PARP1: variants seen among roughly 807,000 people sequenced by gnomAD.
PARP1 encodes the protein poly(ADP-ribose) polymerase 1, also known as poly [ADP-ribose] polymerase 1.
Under a neutral mutation model 118.7 loss-of-function variants are expected in PARP1, and 44 were observed. That is an observed-to-expected ratio of 0.37 (90% CI 0.29 to 0.48). The LOEUF (loss-of-function observed/expected upper bound fraction) is 0.48. PARP1 is among the 20% of genes least tolerant of loss of function. The pLI, the probability that PARP1 is intolerant of heterozygous loss-of-function variation, is 0.99. For missense variants in PARP1, 1,100 were observed against 1,272.4 expected, an observed-to-expected ratio of 0.86 and a Z score of 2.06; for synonymous variants, 492 against 483.2, an observed-to-expected ratio of 1.02 and a Z score of -0.24.
chr1:226,368,337 C>T lies in PARP1; in HGVS notation c.2155-16G>A. 1 of 1,614,054 alleles carries T rather than the reference C, an allele frequency of 6.2e-7. No individual in the cohort carries two copies. On this transcript the variant is annotated splice_polypyrimidine_tract_variant and intron_variant, in intron 15 of 22. Coordinates refer to ENST00000366794, the MANE Select transcript of PARP1 (RefSeq NM_001618.4). ...GAGACACCGCCTGGAGAGGAGGGGA[C>T]AGAAGGAATGCAAGACTGAGGGAGC...
rs13306124 is a variant in PARP1, at chr1:226,392,027, G to A, written c.402+172C>T. 2.0e-5 allele frequency among the ~76,000 whole-genome samples: 3 copies of A among 152,340 alleles called. No homozygotes were observed. The East Asian group carries it at 5.8e-4, about 29-fold the overall frequency. ...GACCGTGATAAGGAGGACCAGACCT[G>A]TCTGGAAGTCACTGACGTATCTGGT... On this transcript the variant is annotated intron_variant, in intron 3 of 22. Transcript: ENST00000366794.
intron 17 of PARP1, chr1:226,366,307 G>A: frequency 2.2e-6 from 1 of 452,794 alleles, no homozygotes; most frequent in South Asian, 2.1e-5. Context: ...AAAATTCTAT[G>A]TTTTGGGATA....
rs550617833 is a variant in PARP1 at position 226,404,571 on chromosome 1, C to T, written c.121-2192G>A. On this transcript the variant is annotated intron_variant, in intron 1 of 22. Coordinates refer to ENST00000366794, the MANE Select transcript of PARP1 (RefSeq NM_001618.4). Reference sequence around the variant, plus strand: ...CAACCACCGGCACAGTGCTGGACACCCTGGAGGTGCTGCCCAATGGTGCAA... The same window carrying T: ...CAACCACCGGCACAGTGCTGGACACTCTGGAGGTGCTGCCCAATGGTGCAA... 1.5e-3 allele frequency among the ~76,000 whole-genome samples: 236 copies of T among 152,344 alleles called. 2 individuals are homozygous for T. The highest frequency in any genetic ancestry group is 5.3e-3 in the African/African-American group (219 of 41,584).
intron 2 of PARP1, among the ~76,000 whole-genome samples, chr1:226,397,880 T>C (rs960127612): frequency 2.6e-5 from 4 of 151,708 alleles, no homozygotes; most frequent in African/African-American, 7.3e-5. Flanking sequence ...CCACTGATCT[T>C]TGACAAAAAA....
At chr1:226,369,439 A>G (rs1410168767) in intron 15 of PARP1, among the ~76,000 whole-genome samples, 2 of 152,258 alleles carry the variant, frequency 1.3e-5, no homozygotes, top group Non-Finnish European at 2.9e-5. Context: ...AAATAACATG[A>G]ATGAAAGAGG....
In PARP1 at chr1:226,386,367, G is replaced by GT; in HGVS notation, c.792dup (p.Leu265ThrfsTer21). On this transcript the variant is annotated frameshift_variant, in exon 6 of 23. Coordinates refer to ENST00000366794, the MANE Select transcript of PARP1 (RefSeq NM_001618.4). LOFTEE classifies it high-confidence loss of function. The stretch of plus-strand genomic sequence containing the variant: ...GGCACTTGCTGCTTGTTGAAGATGA[G>GT]TAGCTCCTTCAGGTCATTAGTTGAA... 1 of 1,613,804 alleles carries GT rather than the reference G, an allele frequency of 6.2e-7. No homozygotes were observed. Among genetic ancestry groups the GT allele is most frequent in the Non-Finnish European group, 8.5e-7 (1 of 1,179,678 alleles).
chr1:226,382,231 G>T (rs180934176), intron 8 of PARP1, among the ~76,000 whole-genome samples: 2 of 152,176 alleles, frequency 1.3e-5, no homozygotes, highest in South Asian at 4.1e-4. Flanking sequence ...AACAAGCAGC[G>T]GGTCACTTCT....
At chr1:226,382,004 GCCC>G (rs1466417461) in intron 8 of PARP1, among the ~76,000 whole-genome samples, 1 of 152,216 alleles carries the variant, frequency 6.6e-6, no homozygotes, top group African/African-American at 2.4e-5. Context: ...CAGAATGCCA[GCCC>G]CCAACTGGCC....
intron 3 of PARP1, among the ~76,000 whole-genome samples, 167 bp downstream of exon 3, chr1:226,392,032 G>A (rs1204102123): frequency 1.3e-5 from 2 of 152,188 alleles, no homozygotes; most frequent in East Asian, 3.9e-4. Flanking sequence ...GACCTGTCTG[G>A]AAGTCACTGA....
At chr1:226,368,740 TCA>T (rs200368178) in intron 15 of PARP1, among the ~76,000 whole-genome samples, 2,181 of 152,302 alleles carry the variant, frequency 0.014, 58 homozygotes, top group African/African-American at 0.048. Context: ...GCTATAAAAT[TCA>T]GTCAGGCTCC....
chr1:226,396,924 G>C (rs1412563589), intron 2 of PARP1, among the ~76,000 whole-genome samples: 1 of 151,948 alleles, frequency 6.6e-6, no homozygotes, highest in East Asian at 1.9e-4. Context: ...ATTATAACTA[G>C]ATATAACATA....
Position 226,397,662 on chromosome 1 carries a change from ACT to A in PARP1, c.286+4550_286+4551del, listed in dbSNP as rs1664951387. Among the ~76,000 whole-genome samples, 4 of 150,872 alleles carry A rather than the reference ACT, an allele frequency of 2.7e-5. No homozygotes were observed. In the East Asian group the frequency reaches 5.9e-4, roughly 22 times the overall value. On this transcript the variant is annotated intron_variant, in intron 2 of 22. Transcript: ENST00000366794. ...AAAAATGTGTAGCACCTCCCCTTTC[ACT>A]CTCTTCCTCCTGCTCCGGCCATGTC... is the stretch of plus-strand genomic sequence containing the variant.
rs13306125 is a variant in PARP1, at chr1:226,390,505, G to T, written c.522C>A (p.Pro174=). 6.2e-7 allele frequency: 1 copy of T among 1,614,106 alleles called. No homozygotes were observed. Among genetic ancestry groups the T allele is most frequent in the African/African-American group, 1.3e-5 (1 of 75,000 alleles). The change falls in exon 4 of 23, where the codon CCC becomes CCA. Residue 174 remains proline (P), a synonymous_variant. Transcript: ENST00000366794. The part of the protein sequence containing the change: ...VKNREELGFR[P]EYSASQLKGF... ...CCTTGAGCTGACTCGCACTGTACTC[G>T]GGCCGGAAACCCAGCTCCTCCCTGT...
chr1:226,401,979 A>G (rs770244012), intron 2 of PARP1: 105 of 1,454,248 alleles, frequency 7.2e-5, no homozygotes, highest in Non-Finnish European at 8.7e-5. Context: ...ATTAAAAACA[A>G]AACAACTTTA....
At position 226,402,269 on chromosome 1, in the gene PARP1, A is replaced by T. The variant is rs1304006163; in HGVS notation, c.231T>A (p.Leu77=). 3 of 1,614,178 alleles carry T rather than the reference A, an allele frequency of 1.9e-6. No homozygotes were observed. The highest frequency in any genetic ancestry group is 2.2e-5 in the South Asian group (2 of 91,082). The change falls in exon 2 of 23, where the codon CTT becomes CTA. Residue 77 remains leucine (L), a synonymous_variant. Coordinates refer to ENST00000366794, the MANE Select transcript of PARP1 (RefSeq NM_001618.4). ...PDVEVDGFSE[L]RWDDQQKVKK... is the part of the protein sequence containing the mutation. The stretch of plus-strand genomic sequence containing the variant: ...TGACTTTCTGCTGGTCATCCCACCG[A>T]AGCTCAGAGAACCCATCCACCTCAA...
At chr1:226,375,107 T>C (rs938936340) in intron 13 of PARP1, among the ~76,000 whole-genome samples, 6 of 152,342 alleles carry the variant, frequency 3.9e-5, no homozygotes, top group South Asian at 4.1e-4. Flanking sequence ...GTGAAAGGAA[T>C]TGGCACTGGG....
chr1:226,400,242 T>C (rs1455628370), intron 2 of PARP1, among the ~76,000 whole-genome samples: 1 of 152,088 alleles, frequency 6.6e-6, no homozygotes, highest in Non-Finnish European at 1.5e-5. Flanking sequence ...GAGGTGGCAG[T>C]GAGCCAAGAC....
intron 16 of PARP1, among the ~76,000 whole-genome samples, 181 bp downstream of exon 16, chr1:226,368,018 G>A (rs2102728719): frequency 6.6e-6 from 1 of 152,218 alleles, no homozygotes; most frequent in South Asian, 2.1e-4. Flanking sequence ...GTAGAACAGG[G>A]GCAGGAAAAA....
rs372233336 is a variant in PARP1, at chr1:226,388,743, G to A, written c.630C>T (p.Gly210=). 17 of 1,613,056 alleles carry A rather than the reference G, an allele frequency of 1.1e-5. No homozygotes were observed. The highest frequency in any genetic ancestry group is 4.0e-5 in the African/African-American group (3 of 74,816). ...PGVKSEGKRK[G]DEVDGVDEVA... ...CTTCATCCACTCCATCCACCTCATCGCCTTTTCTCTTTCTGAAGGAGACAC... is the reference window on the plus strand; with the variant it reads ...CTTCATCCACTCCATCCACCTCATCACCTTTTCTCTTTCTGAAGGAGACAC... The change falls in exon 5 of 23, where the codon GGC becomes GGT. Residue 210 remains glycine, a synonymous_variant. Coordinates refer to ENST00000366794, the MANE Select transcript of PARP1 (RefSeq NM_001618.4).
Sources: allele counts gnomAD v4.1 joint callset (sites outside exome capture counted in the v4.1 genomes callset), GRCh38; gene constraint gnomAD v4.1.1; transcripts MANE v1.5; gene names NCBI Gene and HGNC (gene_info 2026-07-23, HGNC 2026-07-21).